Variants in CSMD1 observed in about 807,000 individuals in gnomAD.
CSMD1 encodes the protein CUB and sushi domain-containing protein 1.
CSMD1 carries 213 observed loss-of-function variants against 417.5 expected under a neutral mutation model. The ratio of observed to expected loss-of-function variants is 0.51; its 90% CI spans 0.46 to 0.57. The LOEUF (loss-of-function observed/expected upper bound fraction) is 0.57. CSMD1 is among the 20% of genes least tolerant of loss of function. The pLI is 0.00. For synonymous variants in CSMD1, 2,862 were observed against 1,736.8 expected (o/e 1.65, Z -16.11); for missense variants, 6,923 against 4,529.7 (o/e 1.53, Z -15.17).
intron 3 of CSMD1, among the ~76,000 whole-genome samples, chr8:4,199,972 T>C (rs1358349302): frequency 1.3e-5 from 2 of 152,132 alleles, no homozygotes; most frequent in East Asian, 1.9e-4. Context: ...CTGAATGAAA[T>C]AAATAATGGT....
intron 3 of CSMD1, among the ~76,000 whole-genome samples, chr8:4,240,713 C>T (rs911696850): frequency 3.3e-5 from 5 of 152,168 alleles, no homozygotes; most frequent in African/African-American, 9.7e-5. Context: ...TTAAAAAATG[C>T]AGTTGATGCC....
chr8:3,451,999 T>C (rs1053485000), intron 12 of CSMD1, among the ~76,000 whole-genome samples: 18 of 152,314 alleles, frequency 1.2e-4, no homozygotes, highest in African/African-American at 4.1e-4. Flanking sequence ...CATTGAGCAG[T>C]GGTTTGTAGT....
chr8:4,320,915 C>T (rs1053009433), intron 3 of CSMD1, among the ~76,000 whole-genome samples: 1 of 152,130 alleles, frequency 6.6e-6, no homozygotes, highest in Non-Finnish European at 1.5e-5. Flanking sequence ...ATAGTATCTT[C>T]TTCTTTGTAT....
chr8:4,120,656 T>G (rs1458658990), intron 3 of CSMD1, among the ~76,000 whole-genome samples: 1 of 152,200 alleles, frequency 6.6e-6, no homozygotes, highest in Non-Finnish European at 1.5e-5. Flanking sequence ...GTCAGTAACT[T>G]CATCACGTGA....
At chr8:3,710,257 T>G (rs932886097) in intron 6 of CSMD1, among the ~76,000 whole-genome samples, 20 of 152,280 alleles carry the variant, frequency 1.3e-4, no homozygotes, top group African/African-American at 4.8e-4. Flanking sequence ...CCATGCAGTT[T>G]AAACCTATGC....
At chr8:3,622,696 CAGAG>C (rs1435131193) in intron 7 of CSMD1, among the ~76,000 whole-genome samples, 1 of 152,174 alleles carries the variant, frequency 6.6e-6, no homozygotes, top group East Asian at 1.9e-4. Context: ...TTTTCTGAAA[CAGAG>C]GGAGTTGTTT....
intron 1 of CSMD1, among the ~76,000 whole-genome samples, chr8:4,767,442 T>A (rs962098134): frequency 6.6e-6 from 1 of 152,096 alleles, no homozygotes; most frequent in African/African-American, 2.4e-5. Context: ...TCCTGACCAA[T>A]CCCGCACATA....
chr8:3,727,033 G>C (rs1802538758), intron 6 of CSMD1, among the ~76,000 whole-genome samples: 1 of 152,060 alleles, frequency 6.6e-6, no homozygotes, highest in Non-Finnish European at 1.5e-5. Flanking sequence ...TTTTCTCTTA[G>C]TTACTAATGG....
intron 3 of CSMD1, among the ~76,000 whole-genome samples, chr8:4,183,523 C>A (rs561061993): frequency 6.6e-6 from 1 of 152,144 alleles, no homozygotes; most frequent in Non-Finnish European, 1.5e-5. Flanking sequence ...ACAGACATTA[C>A]TGGTTTATTT....
chr8:3,002,367 G>A lies in CSMD1; in HGVS notation c.8030-2236C>T, dbSNP rs7838212. Among the ~76,000 whole-genome samples, 1,151 of 152,296 alleles carry A rather than the reference G, an allele frequency of 7.6e-3. 13 individuals carry two copies. Among genetic ancestry groups the A allele is most frequent in the African/African-American group, 0.026 (1,085 of 41,560 alleles). ...GCCATCGTTCCAACCCTAGAGACAG[G>A]GAGACGAGGACTGGTGAGAGCCAGA... On this transcript the variant is annotated intron_variant, in intron 52 of 69. Transcript: ENST00000635120.
chr8:3,964,476 G>A (rs933397951), intron 5 of CSMD1, among the ~76,000 whole-genome samples: 1 of 152,128 alleles, frequency 6.6e-6, no homozygotes, highest in African/African-American at 2.4e-5. Context: ...GCCTCATTTT[G>A]CCGCATTTGT....
At chr8:3,335,221 T>G (rs1483632951) in intron 23 of CSMD1, among the ~76,000 whole-genome samples, 8 of 152,150 alleles carry the variant, frequency 5.3e-5, no homozygotes, top group Non-Finnish European at 1.5e-5. Context: ...TGGTTCCTTT[T>G]GCCCATACCC....
At chr8:4,722,367 C>G (rs1809115034) in intron 1 of CSMD1, among the ~76,000 whole-genome samples, 1 of 152,042 alleles carries the variant, frequency 6.6e-6, no homozygotes, top group African/African-American at 2.4e-5. Flanking sequence ...CAAAGGCAAA[C>G]TTAACTAAAT....
In CSMD1 at chr8:4,795,252, C is replaced by CTTTTTTTTTTTTT. The variant is rs571984359; in HGVS notation, c.86-157707_86-157695dup. Among the ~76,000 whole-genome samples, 91 of 46,250 alleles carry CTTTTTTTTTTTTT rather than the reference C, an allele frequency of 2.0e-3. 21 individuals are homozygous for CTTTTTTTTTTTTT. Among genetic ancestry groups the CTTTTTTTTTTTTT allele is most frequent in the South Asian group, 3.3e-3 (3 of 918 alleles). 30.3% of individuals were successfully genotyped at this position (46,250 alleles called of 152,430 possible). A position where few individuals can be genotyped will look rare whatever the true frequency, so the allele number is the denominator to read the frequency against. ...ATTTCTAGGTCTGCTGGTGTCATAGCTTTTTTTTTTTTTTTTTTTTTTTTT... is the reference window on the plus strand; with the variant it reads ...ATTTCTAGGTCTGCTGGTGTCATAGCTTTTTTTTTTTTTTTTTTTTTTTTTTTTTTTTTTTTTT... On this transcript the variant is annotated intron_variant, in intron 1 of 69. Coordinates refer to ENST00000635120, the MANE Select transcript of CSMD1 (RefSeq NM_033225.6).
chr8:4,464,706 G>T (rs1011610438), intron 2 of CSMD1, among the ~76,000 whole-genome samples: 1 of 152,106 alleles, frequency 6.6e-6, no homozygotes, highest in Non-Finnish European at 1.5e-5. Context: ...GTATTGTTGT[G>T]TTTTAATGTA....
intron 3 of CSMD1, among the ~76,000 whole-genome samples, chr8:4,147,775 G>A (rs895051327): frequency 6.6e-6 from 1 of 152,088 alleles, no homozygotes; most frequent in Non-Finnish European, 1.5e-5. Flanking sequence ...TGCCATGTGA[G>A]ATCAGAGCCT....
rs1554472546 is a variant in CSMD1 at position 4,761,836 on chromosome 8, C to CATCCATCT, written c.86-124279_86-124278insAGATGGAT. ...AATAAAATAGCAAAATAGTACCATG[C>CATCCATCT]ATCTATCTATCTATCTATCTATCTA... On this transcript the variant is annotated intron_variant, in intron 1 of 69. Coordinates refer to ENST00000635120, the MANE Select transcript of CSMD1 (RefSeq NM_033225.6). Among the ~76,000 whole-genome samples, 1,065 of 117,696 alleles carry CATCCATCT rather than the reference C, an allele frequency of 9.0e-3. 13 individuals are homozygous for CATCCATCT. The highest frequency in any genetic ancestry group is 0.021 in the African/African-American group (565 of 27,280). The allele number at this position is 117,696 out of a possible 152,430, so 77.2% of individuals were successfully genotyped here.
intron 5 of CSMD1, among the ~76,000 whole-genome samples, chr8:3,820,918 T>G (rs904623407): frequency 1.3e-5 from 2 of 151,842 alleles, no homozygotes; most frequent in Non-Finnish European, 2.9e-5. Flanking sequence ...GTGTTCTATC[T>G]TTTTTTTAAT....
At chr8:4,047,564 C>A (rs777687649) in intron 3 of CSMD1, among the ~76,000 whole-genome samples, 3 of 151,418 alleles carry the variant, frequency 2.0e-5, no homozygotes, top group Non-Finnish European at 4.4e-5. Context: ...TTATAGAATG[C>A]AAATTATGTT....
Sources: gnomAD v4.1 joint callset for allele counts (sites outside exome capture counted in the v4.1 genomes callset) on GRCh38, gnomAD v4.1.1 for gene constraint, MANE v1.5 for transcripts, NCBI Gene and HGNC (gene_info 2026-07-23, HGNC 2026-07-21) for gene names.